The following UGT1A8 variants were observed in gnomAD, a reference collection of about 807,000 sequenced individuals.
The protein encoded by UGT1A8 is UDP glucuronosyltransferase family 1 member A8, also known as UDP-glucuronosyltransferase 1A8.
In UGT1A8, 39 loss-of-function variants were observed where a neutral mutation model predicts 45.3. That is an observed-to-expected ratio of 0.86 (90% confidence interval 0.67 to 1.12). The LOEUF (loss-of-function observed/expected upper bound fraction) is 1.12. UGT1A8 is among the 50% of genes most tolerant of loss of function. The pLI, the probability that UGT1A8 is intolerant of heterozygous loss-of-function variation, is 0.00. For missense variants in UGT1A8, 719 were observed against 664.9 expected (o/e 1.08, Z -0.90); for synonymous variants, 275 against 249.2 (o/e 1.10, Z -0.97).
chr2:233,718,048 C>G, intron 1 of UGT1A8: 1 of 365,942 alleles, frequency 2.7e-6, no homozygotes, highest in South Asian at 2.1e-5. Flanking sequence ...CAGGAGCTCC[C>G]TGAACCCACC....
At chr2:233,659,571 A>G (rs1283148786) in intron 1 of UGT1A8, among the ~76,000 whole-genome samples, 2 of 152,258 alleles carry the variant, frequency 1.3e-5, no homozygotes, top group East Asian at 3.9e-4. Context: ...CTGAGGAGGA[A>G]GAGGAGGGGT....
intron 1 of UGT1A8, chr2:233,729,946 G>T (rs757885815): frequency 1.2e-6 from 2 of 1,614,002 alleles, no homozygotes; most frequent in Middle Eastern, 1.7e-4. Flanking sequence ...GCCCAACATG[G>T]TCTTCATTGG....
At chr2:233,628,233 A>G (rs1002110307) in intron 1 of UGT1A8, among the ~76,000 whole-genome samples, 3 of 152,146 alleles carry the variant, frequency 2.0e-5, no homozygotes, top group African/African-American at 7.2e-5. Context: ...AGTAATAAAT[A>G]ATAACATGGT....
At chr2:233,697,172 T>C (rs1283360164) in intron 1 of UGT1A8, among the ~76,000 whole-genome samples, 1 of 152,110 alleles carries the variant, frequency 6.6e-6, no homozygotes, top group African/African-American at 2.4e-5. Context: ...CTTTTAAAAA[T>C]GGTTGGTAGA....
chr2:233,720,530 C>T (rs753695655), intron 1 of UGT1A8, among the ~76,000 whole-genome samples: 4 of 152,090 alleles, frequency 2.6e-5, no homozygotes, highest in Non-Finnish European at 5.9e-5. Context: ...TCACCAAACT[C>T]ACCCTATCCC....
intron 1 of UGT1A8, chr2:233,682,369 A>G (rs746633275): frequency 6.8e-6 from 11 of 1,614,044 alleles, no homozygotes; most frequent in Non-Finnish European, 9.3e-6. Flanking sequence ...GTTTTGATGC[A>G]GTGTTTCTCG....
intron 1 of UGT1A8, among the ~76,000 whole-genome samples, chr2:233,726,454 A>C (rs1306425444): frequency 2.6e-5 from 4 of 152,216 alleles, no homozygotes; most frequent in African/African-American, 9.6e-5. Context: ...CACTGAATGT[A>C]AGCTCATTTC....
chr2:233,716,263 C>T (rs188566072), intron 1 of UGT1A8, among the ~76,000 whole-genome samples: 1 of 152,170 alleles, frequency 6.6e-6, no homozygotes, highest in Admixed American at 6.5e-5. Flanking sequence ...CATAATCTCC[C>T]CATGTCAAAA....
chr2:233,722,017 A>G (rs2125685673), intron 1 of UGT1A8: 1 of 254,974 alleles, frequency 3.9e-6, no homozygotes, highest in Non-Finnish European at 7.8e-6. Context: ...AGGAAAACTG[A>G]AACCTCTTGA....
chr2:233,772,131 CAAT>C, intron 4 of UGT1A8, 128 bp from the exon 5 acceptor site: 4 of 1,543,198 alleles, frequency 2.6e-6, no homozygotes, highest in Middle Eastern at 2.3e-4. Flanking sequence ...ACAACAACAA[CAAT>C]AATAGAAACA....
Position 233,769,626 on chromosome 2 carries a change from C to A in UGT1A8, c.1295+1187C>A. 2 of 1,612,112 alleles carry A rather than the reference C, an allele frequency of 1.2e-6. No individual in the cohort carries two copies. The highest frequency in any genetic ancestry group is 1.7e-6 in the Non-Finnish European group (2 of 1,179,588). The stretch of plus-strand genomic sequence containing the variant: ...GGGACACACCAGCTTGAGCAAGGGA[C>A]AACAGGGGAGGACTGATGACTGACT... On this transcript the variant is annotated intron_variant, in intron 4 of 4. Transcript: ENST00000373450. The surrounding 1 kb of genome is among the most constrained non-coding windows in gnomAD (Gnocchi z 4.4).
chr2:233,648,403 C>T (rs1391684988), intron 1 of UGT1A8: 1 of 239,480 alleles, frequency 4.2e-6, no homozygotes, highest in Non-Finnish European at 8.6e-6. Context: ...TTCCTACAGT[C>T]CTAGATATGT....
intron 1 of UGT1A8, chr2:233,747,614 T>A (rs1693730257): frequency 3.8e-6 from 6 of 1,574,498 alleles, no homozygotes; most frequent in Non-Finnish European, 1.7e-6. Flanking sequence ...TACTGCATAA[T>A]GAGGCCCTGA....
intron 1 of UGT1A8, among the ~76,000 whole-genome samples, chr2:233,619,466 A>T (rs2072960471): frequency 6.6e-6 from 1 of 152,160 alleles, no homozygotes; most frequent in Admixed American, 6.6e-5. Context: ...CTAGAGTCCT[A>T]CATGTAGGGT....
chr2:233,634,022 T>C (rs2073235575), intron 1 of UGT1A8, among the ~76,000 whole-genome samples: 1 of 152,228 alleles, frequency 6.6e-6, no homozygotes, highest in African/African-American at 2.4e-5. Context: ...TTGTTCTCAT[T>C]GGTTTCAAAG....
chr2:233,729,036 T>C, intron 1 of UGT1A8: 1 of 1,603,088 alleles, frequency 6.2e-7, no homozygotes, highest in African/African-American at 1.3e-5. Flanking sequence ...ATTTGCTAAG[T>C]GGCTCAGTGA....
At position 233,772,328 on chromosome 2, in the gene UGT1A8, G is replaced by A. The variant is rs1288878731; in HGVS notation, c.1362G>A (p.Leu454=). 2 of 1,614,180 alleles carry A rather than the reference G, an allele frequency of 1.2e-6. No individual in the cohort carries two copies. The highest frequency in any genetic ancestry group is 1.7e-6 in the Non-Finnish European group (2 of 1,180,040). The change falls in exon 5 of 5, where the codon CTG becomes CTA. Residue 454 remains leucine (L), a synonymous_variant. Coordinates refer to ENST00000373450, the MANE Select transcript of UGT1A8 (RefSeq NM_019076.5). ...HKDRPVEPLD[L]AVFWVEFVMR... is the part of the protein sequence containing the mutation. ...ACCGCCCGGTGGAGCCGCTGGACCT[G>A]GCCGTGTTCTGGGTGGAGTTTGTGA...
chr2:233,652,116 C>G (rs1317331286), intron 1 of UGT1A8, among the ~76,000 whole-genome samples: 1 of 152,100 alleles, frequency 6.6e-6, no homozygotes, highest in African/African-American at 2.4e-5. Flanking sequence ...GAGTGTAGCT[C>G]TGGAGAACTG....
At chr2:233,672,398 T>C in intron 1 of UGT1A8, 1 of 1,614,102 alleles carries the variant, frequency 6.2e-7, no homozygotes, top group Non-Finnish European at 8.5e-7. Flanking sequence ...AACTGTGGCT[T>C]AATTGTTGCC....
Sources: allele counts gnomAD v4.1 joint callset (sites outside exome capture counted in the v4.1 genomes callset), GRCh38; gene constraint gnomAD v4.1.1; non-coding constraint Gnocchi (gnomAD v3.1); transcripts MANE v1.5; gene names NCBI Gene and HGNC (gene_info 2026-07-23, HGNC 2026-07-21).